Variants in MMP26 observed in about 807,000 individuals in gnomAD.
MMP26 encodes the protein matrix metallopeptidase 26.
In MMP26, 33 loss-of-function variants were observed where a neutral mutation model predicts 31.0. The ratio of observed to expected loss-of-function variants is 1.06; its 90% confidence interval spans 0.81 to 1.42. MMP26 has a LOEUF of 1.42. Among genes scored for constraint, MMP26 ranks in the 40% most tolerant of loss-of-function variants. The pLI is 0.00. For missense variants in MMP26, 347 were observed against 316.1 expected, an observed-to-expected ratio of 1.10 and a Z score of -0.74; for synonymous variants, 122 against 114.9, an observed-to-expected ratio of 1.06 and a Z score of -0.40.
intron 2 of MMP26, chr11:4,769,235 A>G (rs777695708): frequency 1.2e-6 from 2 of 1,613,814 alleles, no homozygotes; most frequent in Non-Finnish European, 8.5e-7. Context: ...GGCAATTCTG[A>G]GGACAGAGTG....
At chr11:4,736,002 A>T (rs1464205745) in intron 1 of MMP26, among the ~76,000 whole-genome samples, 1 of 152,142 alleles carries the variant, frequency 6.6e-6, no homozygotes, top group Non-Finnish European at 1.5e-5. Flanking sequence ...AATTCTATTA[A>T]ATATAAAGAA....
chr11:4,706,061 C>G (rs11033444), intron 1 of MMP26, among the ~76,000 whole-genome samples: 65,088 of 151,164 alleles, frequency 0.43, 14,694 homozygotes, highest in East Asian at 0.57. Context: ...ATTACGTTTC[C>G]CTTTGATTGC....
At chr11:4,924,184 A>G in intron 2 of MMP26, 1 of 1,614,204 alleles carries the variant, frequency 6.2e-7, no homozygotes, top group Non-Finnish European at 8.5e-7. Context: ...TGGCATCAGT[A>G]CAAATGACGT....
At chr11:4,966,240 C>T (rs1272567292) in intron 2 of MMP26, among the ~76,000 whole-genome samples, 1 of 152,062 alleles carries the variant, frequency 6.6e-6, no homozygotes, top group East Asian at 1.9e-4. Flanking sequence ...AAAAGGAGGA[C>T]TTTATAGCCA....
intron 2 of MMP26, chr11:4,915,394 A>G: frequency 6.2e-7 from 1 of 1,614,064 alleles, no homozygotes; most frequent in Middle Eastern, 1.6e-4. Context: ...CTCCAACCCA[A>G]AAGATGCCCA....
At chr11:4,987,608 C>T (rs1156786011) in intron 2 of MMP26, among the ~76,000 whole-genome samples, 19 of 151,714 alleles carry the variant, frequency 1.3e-4, no homozygotes, top group African/African-American at 4.6e-4. Context: ...TTAGTAGAGA[C>T]GGGGTTTCAC....
At chr11:4,973,893 T>C (rs958965817) in intron 2 of MMP26, 3 of 151,902 alleles carry the variant, frequency 2.0e-5, no homozygotes, top group Non-Finnish European at 4.4e-5. Context: ...ATCCCAGTAT[T>C]TGAGGGAAAA....
At chr11:4,980,146 T>G (rs1472614949) in intron 2 of MMP26, among the ~76,000 whole-genome samples, 1 of 152,074 alleles carries the variant, frequency 6.6e-6, no homozygotes, top group African/African-American at 2.4e-5. Context: ...CCAGCTCCAT[T>G]ACCTGGCTTT....
At chr11:4,774,862 C>T (rs181929500) in intron 2 of MMP26, among the ~76,000 whole-genome samples, 1 of 152,202 alleles carries the variant, frequency 6.6e-6, no homozygotes, top group African/African-American at 2.4e-5. Context: ...CTAGTTCTCC[C>T]AGCACCATTT....
chr11:4,756,132 A>G (rs1848502034), intron 1 of MMP26, among the ~76,000 whole-genome samples: 1 of 152,094 alleles, frequency 6.6e-6, no homozygotes, highest in Non-Finnish European at 1.5e-5. Flanking sequence ...TCAAAATAAT[A>G]AAATACTAAA....
At chr11:4,879,046 C>T (rs1393090071) in intron 2 of MMP26, among the ~76,000 whole-genome samples, 2 of 152,008 alleles carry the variant, frequency 1.3e-5, no homozygotes, top group Non-Finnish European at 2.9e-5. Flanking sequence ...CCAGCCTGGC[C>T]AACATGATGA....
intron 2 of MMP26, among the ~76,000 whole-genome samples, chr11:4,922,562 G>C (rs1032736031): frequency 6.6e-6 from 1 of 152,156 alleles, no homozygotes; most frequent in Admixed American, 6.5e-5. Flanking sequence ...AAAAACAGCA[G>C]TATTTGTTTC....
chr11:4,910,900 TTATAA>T (rs1055706425), intron 2 of MMP26, among the ~76,000 whole-genome samples: 2 of 152,166 alleles, frequency 1.3e-5, no homozygotes, highest in Non-Finnish European at 2.9e-5. Context: ...AGTCCTAAAA[TTATAA>T]TATGTCAATC....
intron 2 of MMP26, among the ~76,000 whole-genome samples, chr11:4,959,131 G>A (rs1051415034): frequency 6.6e-6 from 1 of 151,092 alleles, no homozygotes; most frequent in South Asian, 2.1e-4. Context: ...CCAGCTACTC[G>A]GGAGGCTGAG....
chr11:4,982,178 T>C (rs538492682), intron 2 of MMP26, among the ~76,000 whole-genome samples: 12 of 152,168 alleles, frequency 7.9e-5, no homozygotes, highest in Admixed American at 2.6e-4. Flanking sequence ...TTTAGTGTAG[T>C]AAATACATAC....
intron 2 of MMP26, chr11:4,913,520 T>C (rs79742435): frequency 6.6e-6 from 1 of 152,296 alleles, no homozygotes; most frequent in African/African-American, 2.4e-5. Context: ...AAATACTATA[T>C]TGACATGTAT....
chr11:4,784,256 G>T (rs190859259), intron 2 of MMP26, among the ~76,000 whole-genome samples: 42 of 152,292 alleles, frequency 2.8e-4, no homozygotes, highest in Non-Finnish European at 4.7e-4. Context: ...ACACAGCTTG[G>T]TTTCTTCACA....
intron 2 of MMP26, chr11:4,882,803 C>T (rs201004265): frequency 3.5e-5 from 56 of 1,613,708 alleles, no homozygotes; most frequent in Middle Eastern, 3.3e-4. Context: ...CAAGACAATC[C>T]GCCAGGCTAT....
At chr11:4,936,486 T>C (rs1033614122) in intron 2 of MMP26, among the ~76,000 whole-genome samples, 1 of 152,132 alleles carries the variant, frequency 6.6e-6, no homozygotes, top group Non-Finnish European at 1.5e-5. Context: ...TAAGAGAAGT[T>C]TAAAAGTCTA....
Sources: gnomAD v4.1 joint callset for allele counts (sites outside exome capture counted in the v4.1 genomes callset) on GRCh38, gnomAD v4.1.1 for gene constraint, MANE v1.5 for transcripts, NCBI Gene and HGNC (gene_info 2026-07-23, HGNC 2026-07-21) for gene names.